CERT1: variants seen among roughly 807,000 people sequenced by gnomAD.
CERT1 encodes ceramide transfer protein.
In CERT1, 31 loss-of-function variants were observed where a neutral mutation model predicts 87.9. That is an observed-to-expected ratio of 0.35 (90% CI 0.27 to 0.48). CERT1 has a LOEUF of 0.48. CERT1 is among the 20% of genes least tolerant of loss of function. The pLI, the probability that CERT1 is intolerant of heterozygous loss-of-function variation, is 0.99. For missense variants in CERT1, 487 were observed against 758.0 expected, an observed-to-expected ratio of 0.64 and a Z score of 4.20; for synonymous variants, 289 against 250.9, an observed-to-expected ratio of 1.15 and a Z score of -1.44.
intron 3 of CERT1, among the ~76,000 whole-genome samples, chr5:75,432,735 C>T (rs991702122): frequency 1.3e-5 from 2 of 152,192 alleles, no homozygotes; most frequent in Non-Finnish European, 2.9e-5. Context: ...GTTTTTGTTG[C>T]AATTGCTTTT....
rs1580687627 is a variant in CERT1, at chr5:75,378,707, T to C, written c.*639A>G. 1 of 152,152 alleles carries C rather than the reference T, an allele frequency of 6.6e-6. No homozygotes were observed. The highest frequency in any genetic ancestry group is 1.5e-5 in the Non-Finnish European group (1 of 68,034). The allele number at this position is 152,152 out of a possible 1,614,324, so 9.4% of individuals were successfully genotyped here. A position where few individuals can be genotyped will look rare whatever the true frequency, so the allele number is the denominator to read the frequency against. On this transcript the variant is annotated 3_prime_UTR_variant, in exon 17 of 17. Transcript: ENST00000643780. The stretch of plus-strand genomic sequence containing the variant: ...ATTTTAACATTCAAAAATATGTCAG[T>C]ACATACACAGAAAAATCTGGAGGAA...
At chr5:75,492,570 C>T (rs1766848646) in intron 2 of CERT1, among the ~76,000 whole-genome samples, 1 of 152,142 alleles carries the variant, frequency 6.6e-6, no homozygotes, top group African/African-American at 2.4e-5. Flanking sequence ...GTTAGACAAG[C>T]AGCCAGGTTG....
chr5:75,384,565 A>G, intron 14 of CERT1, 77 bp downstream of exon 14: 3 of 1,010,640 alleles, frequency 3.0e-6, no homozygotes, highest in South Asian at 1.5e-5. Context: ...AACCTCCCCA[A>G]TTTTACTTTA....
At chr5:75,460,948 A>G (rs550210932) in intron 2 of CERT1, among the ~76,000 whole-genome samples, 2 of 152,344 alleles carry the variant, frequency 1.3e-5, no homozygotes, top group East Asian at 1.9e-4. Flanking sequence ...AAGAAGCAAA[A>G]GGGAAAAACA....
intron 12 of CERT1, among the ~76,000 whole-genome samples, chr5:75,389,345 T>C: frequency 6.6e-6 from 1 of 152,220 alleles, no homozygotes; most frequent in Admixed American, 6.5e-5. Context: ...ATTTTCTTCA[T>C]GGCCTAGTCA....
At chr5:75,437,054 G>C (rs1764126429) in intron 3 of CERT1, among the ~76,000 whole-genome samples, 1 of 152,126 alleles carries the variant, frequency 6.6e-6, no homozygotes, top group Non-Finnish European at 1.5e-5. Context: ...TCAAAGTCCT[G>C]GGATTACAGG....
chr5:75,413,085 T>A (rs745349323), intron 7 of CERT1, among the ~76,000 whole-genome samples: 17 of 152,178 alleles, frequency 1.1e-4, no homozygotes, highest in Admixed American at 2.0e-4. Flanking sequence ...TTTTAAAAAA[T>A]TTATTTTTTT....
intron 5 of CERT1, among the ~76,000 whole-genome samples, chr5:75,422,773 T>A (rs1580748487): frequency 6.6e-6 from 1 of 152,174 alleles, no homozygotes; most frequent in South Asian, 2.1e-4. Flanking sequence ...GGAGACAAGG[T>A]TTGTAAAGCA....
At chr5:75,458,938 A>C (rs1209338068) in intron 3 of CERT1, 127 bp downstream of exon 3, 2 of 633,178 alleles carry the variant, frequency 3.2e-6, no homozygotes, top group Non-Finnish European at 5.7e-6. Flanking sequence ...GAACTGCTTT[A>C]ATCTTTATCA....
In CERT1 at chr5:75,385,909, G is replaced by A; in HGVS notation, c.1410C>T (p.Asp470=). Residue 470 remains aspartate, a synonymous_variant, in exon 13 of 17, where the codon GAC becomes GAT. Coordinates refer to ENST00000643780, the MANE Select transcript of CERT1 (RefSeq NM_001379029.1). The part of the protein sequence containing the change: ...NYFWNVDVRN[D]WETTIENFHV... ...TTAATAATGACAGCTTACTTTCCCA[G>A]TCATTGCGAACGTCAACATTCCAGA... The A allele has an allele frequency of 2.0e-6, 3 of 1,528,050 alleles. No individual in the cohort carries two copies. Among genetic ancestry groups the A allele is most frequent in the African/African-American group, 1.4e-5 (1 of 71,528 alleles). The allele number at this position is 1,528,050 out of a possible 1,614,324, so 94.7% of individuals were successfully genotyped here. A position where few individuals can be genotyped will look rare whatever the true frequency, so the allele number is the denominator to read the frequency against.
chr5:75,471,914 G>A (rs1765730148), intron 2 of CERT1, among the ~76,000 whole-genome samples: 1 of 152,058 alleles, frequency 6.6e-6, no homozygotes, highest in African/African-American at 2.4e-5. Flanking sequence ...CATAAAAACA[G>A]AAAAGGTAAT....
intron 3 of CERT1, among the ~76,000 whole-genome samples, chr5:75,427,887 A>T (rs1763689414): frequency 6.6e-6 from 1 of 152,226 alleles, no homozygotes; most frequent in Non-Finnish European, 1.5e-5. Flanking sequence ...AATTCTACTC[A>T]ATAAACAAGT....
intron 2 of CERT1, among the ~76,000 whole-genome samples, chr5:75,498,520 G>C (rs992029667): frequency 6.6e-6 from 1 of 152,178 alleles, no homozygotes; most frequent in African/African-American, 2.4e-5. Flanking sequence ...GGCTAAAAGG[G>C]GTCAAGGCCA....
At chr5:75,388,869 C>T (rs1375083326) in intron 12 of CERT1, among the ~76,000 whole-genome samples, 1 of 151,956 alleles carries the variant, frequency 6.6e-6, no homozygotes. Flanking sequence ...AAGTAATCCG[C>T]CTGCCATGTC....
rs1361805675 is a variant in CERT1, at chr5:75,472,599, C to T, written c.232-13418G>A. Among the ~76,000 whole-genome samples, 4 of 152,150 alleles carry T rather than the reference C, an allele frequency of 2.6e-5. No homozygotes were observed. In the East Asian group the frequency reaches 5.8e-4, roughly 22 times the overall value. On this transcript the variant is annotated intron_variant, in intron 2 of 16. Transcript: ENST00000643780. ...AGAAAATAACCCAATTAAAAAAATG[C>T]ACAAACACCTGAACAAACATTTCTC...
chr5:75,464,851 T>A (rs555293643), intron 2 of CERT1, among the ~76,000 whole-genome samples: 2 of 152,310 alleles, frequency 1.3e-5, no homozygotes, highest in East Asian at 3.9e-4. Flanking sequence ...GTGCTGGGAC[T>A]AGAGGCATGA....
At chr5:75,371,215 A>G (rs544873041) in intron 17 of CERT1, 2 of 152,210 alleles carry the variant, frequency 1.3e-5, no homozygotes, top group Non-Finnish European at 2.9e-5. Context: ...TCAGGATCAT[A>G]AAGCTATTAT....
rs145761122 is a variant in CERT1, at chr5:75,409,932, C to G, written c.930+1079G>C. Among the ~76,000 whole-genome samples, 163 of 151,640 alleles carry G rather than the reference C, an allele frequency of 1.1e-3. 1 individual carries two copies. The East Asian group carries it at 0.027, about 26-fold the overall frequency. On this transcript the variant is annotated intron_variant, in intron 8 of 16. Transcript: ENST00000643780. ...ACTGCAGTCTTGGGCTCCTCAGTAG[C>G]TGGGACTACAGGCATGTGCCACTAT...
chr5:75,486,054 A>G (rs1005364873), intron 2 of CERT1, among the ~76,000 whole-genome samples: 3 of 152,142 alleles, frequency 2.0e-5, no homozygotes, highest in African/African-American at 7.2e-5. Context: ...CATCAAACAA[A>G]GAAAATTGCC....
Sources: gnomAD v4.1 joint callset for allele counts (sites outside exome capture counted in the v4.1 genomes callset) on GRCh38, gnomAD v4.1.1 for gene constraint, MANE v1.5 for transcripts, NCBI Gene and HGNC (gene_info 2026-07-23, HGNC 2026-07-21) for gene names.